Variants in CSMD1 observed in about 807,000 individuals in gnomAD.
The protein encoded by CSMD1 is CUB and Sushi multiple domains 1, also known as CUB and sushi domain-containing protein 1.
CSMD1 carries 213 observed loss-of-function variants against 417.5 expected under a neutral mutation model. The observed-to-expected ratio is 0.51, with a 90% CI of 0.46 to 0.57. The LOEUF (loss-of-function observed/expected upper bound fraction) is 0.57, where lower values mean the gene tolerates loss of function less well. CSMD1 is among the 20% of genes least tolerant of loss of function. The pLI, the probability that CSMD1 is intolerant of heterozygous loss-of-function variation, is 0.00. For synonymous variants in CSMD1, 2,862 were observed against 1,736.8 expected (o/e 1.65, Z -16.11); for missense variants, 6,923 against 4,529.7 (o/e 1.53, Z -15.17).
intron 27 of CSMD1, among the ~76,000 whole-genome samples, chr8:3,227,511 C>G (rs1429788065): frequency 1.3e-5 from 2 of 152,090 alleles, no homozygotes; most frequent in Non-Finnish European, 2.9e-5. Context: ...CTCATTGAAG[C>G]TATCTTCAGA....
intron 2 of CSMD1, among the ~76,000 whole-genome samples, chr8:4,596,125 C>T (rs1266801098): frequency 6.6e-6 from 1 of 152,024 alleles, no homozygotes; most frequent in Non-Finnish European, 1.5e-5. Flanking sequence ...GAATGTAGTT[C>T]CAGTATCTAA....
intron 21 of CSMD1, among the ~76,000 whole-genome samples, chr8:3,351,886 T>A (rs542204232): frequency 1.3e-5 from 2 of 152,094 alleles, no homozygotes; most frequent in East Asian, 1.9e-4. Context: ...ATCACATTTT[T>A]AAAAATTTAA....
At chr8:3,977,347 A>G (rs1049475192) in intron 5 of CSMD1, among the ~76,000 whole-genome samples, 1 of 152,202 alleles carries the variant, frequency 6.6e-6, no homozygotes, top group African/African-American at 2.4e-5. Flanking sequence ...TCAGCAAAGC[A>G]ATGTCAAGTA....
chr8:4,857,389 T>C (rs1432599811), intron 1 of CSMD1, among the ~76,000 whole-genome samples: 1 of 151,782 alleles, frequency 6.6e-6, no homozygotes, highest in Non-Finnish European at 1.5e-5. Context: ...ATTCAAAAGC[T>C]AGCAGAAGGC....
At chr8:3,171,373 T>G (rs1403400278) in intron 37 of CSMD1, among the ~76,000 whole-genome samples, 1 of 152,210 alleles carries the variant, frequency 6.6e-6, no homozygotes, top group Non-Finnish European at 1.5e-5. Context: ...TATTTCCCTT[T>G]TTAACACTCA....
intron 3 of CSMD1, among the ~76,000 whole-genome samples, chr8:4,368,401 C>T (rs79044313): frequency 5.3e-5 from 8 of 151,920 alleles, no homozygotes; most frequent in Non-Finnish European, 1.2e-4. Context: ...GTATTTTCTA[C>T]GTTCATCAGG....
chr8:4,309,815 C>G (rs1798457203), intron 3 of CSMD1, among the ~76,000 whole-genome samples: 1 of 152,104 alleles, frequency 6.6e-6, no homozygotes, highest in African/African-American at 2.4e-5. Flanking sequence ...TCCCTTCGCC[C>G]TTACTTCATT....
intron 18 of CSMD1, among the ~76,000 whole-genome samples, chr8:3,375,972 T>C (rs1413823386): frequency 6.6e-6 from 1 of 152,214 alleles, no homozygotes; most frequent in African/African-American, 2.4e-5. Flanking sequence ...CTCCAAGCTT[T>C]CGATATCCCA....
At chr8:4,800,685 T>G (rs1348223922) in intron 1 of CSMD1, among the ~76,000 whole-genome samples, 1 of 152,166 alleles carries the variant, frequency 6.6e-6, no homozygotes, top group Admixed American at 6.5e-5. Context: ...GTCAGCTACG[T>G]TGGGCTAAGT....
rs547053229 is a variant in CSMD1 at position 3,586,491 on chromosome 8, C to G, written c.1098-231G>C. ...CTGTTGTGCCAGCTTCAGAACTAAA[C>G]AAACACATGAACCTTAACTTGTCAT... On this transcript the variant is annotated intron_variant, in intron 8 of 69. Coordinates refer to ENST00000635120, the MANE Select transcript of CSMD1 (RefSeq NM_033225.6). Among the ~76,000 whole-genome samples the G allele has an allele frequency of 9.2e-5, 14 of 152,042 alleles. No individual in the cohort carries two copies. The South Asian group carries it at 2.8e-3, about 30-fold the overall frequency.
At chr8:4,909,311 A>T (rs1436943076) in intron 1 of CSMD1, among the ~76,000 whole-genome samples, 1 of 141,048 alleles carries the variant, frequency 7.1e-6, no homozygotes. Context: ...GAATTTTCCC[A>T]GCAAAATACC....
intron 2 of CSMD1, among the ~76,000 whole-genome samples, chr8:4,628,736 C>T (rs1220720962): frequency 1.3e-5 from 2 of 151,670 alleles, no homozygotes; most frequent in Admixed American, 6.6e-5. Context: ...CATCTAAGAG[C>T]CCTCAGGTGA....
At chr8:3,495,837 G>C (rs548019173) in intron 10 of CSMD1, among the ~76,000 whole-genome samples, 1 of 152,140 alleles carries the variant, frequency 6.6e-6, no homozygotes, top group African/African-American at 2.4e-5. Flanking sequence ...CCCTCCTTAT[G>C]TCTTGCATGG....
chr8:3,478,054 G>A (rs1817529242), intron 11 of CSMD1, among the ~76,000 whole-genome samples: 1 of 152,170 alleles, frequency 6.6e-6, no homozygotes, highest in South Asian at 2.1e-4. Context: ...TTCCCCACTG[G>A]CATCAACATG....
At chr8:3,268,787 T>G (rs149984938) in intron 26 of CSMD1, among the ~76,000 whole-genome samples, 2 of 152,134 alleles carry the variant, frequency 1.3e-5, no homozygotes, top group Non-Finnish European at 2.9e-5. Flanking sequence ...TTGAGACTTA[T>G]CAGAAAATTT....
chr8:3,377,729 G>A (rs1810398870), intron 18 of CSMD1, among the ~76,000 whole-genome samples: 1 of 151,998 alleles, frequency 6.6e-6, no homozygotes, highest in Non-Finnish European at 1.5e-5. Flanking sequence ...TGGCTACTTT[G>A]GGAAATCCTA....
chr8:4,620,736 T>C (rs1171871930), intron 2 of CSMD1, among the ~76,000 whole-genome samples: 3 of 151,868 alleles, frequency 2.0e-5, no homozygotes, highest in Non-Finnish European at 4.4e-5. Context: ...TATAAAATGT[T>C]TGGCAAATAA....
intron 5 of CSMD1, among the ~76,000 whole-genome samples, chr8:3,863,272 C>T (rs868056071): frequency 1.6e-4 from 25 of 152,100 alleles, no homozygotes; most frequent in Admixed American, 5.2e-4. Flanking sequence ...TGGCAGGCAC[C>T]TGTAATCTCA....
intron 50 of CSMD1, among the ~76,000 whole-genome samples, chr8:3,050,832 C>G (rs1262527966): frequency 6.6e-6 from 1 of 151,952 alleles, no homozygotes; most frequent in East Asian, 1.9e-4. Flanking sequence ...TTAACATGAC[C>G]AAAATACTGT....
Sources: allele counts gnomAD v4.1 joint callset (sites outside exome capture counted in the v4.1 genomes callset), GRCh38; gene constraint gnomAD v4.1.1; transcripts MANE v1.5; gene names NCBI Gene and HGNC (gene_info 2026-07-23, HGNC 2026-07-21).